MYO10: variants seen among roughly 807,000 people sequenced by gnomAD.
The protein encoded by MYO10 is myosin X.
Under a neutral mutation model 257.3 loss-of-function variants are expected in MYO10, and 133 were observed. The ratio of observed to expected loss-of-function variants is 0.52; its 90% CI spans 0.45 to 0.60. The LOEUF (loss-of-function observed/expected upper bound fraction) is 0.60. MYO10 is among the 20% of genes least tolerant of loss of function. MYO10 has a pLI of 0.00. For missense variants in MYO10, 2,399 were observed against 2,635.7 expected, an observed-to-expected ratio of 0.91 and a Z score of 1.97; for synonymous variants, 1,104 against 1,028.6, an observed-to-expected ratio of 1.07 and a Z score of -1.40.
chr5:16,672,012 A>G (rs1458699540), intron 37 of MYO10, among the ~76,000 whole-genome samples: 2 of 152,186 alleles, frequency 1.3e-5, no homozygotes, highest in Non-Finnish European at 2.9e-5. Flanking sequence ...GTAGGTCTAC[A>G]GGCCAGGTGC....
At position 16,823,444 on chromosome 5, in the gene MYO10, TGC is replaced by T. The variant is rs1196377622; in HGVS notation, c.121-5279_121-5278del. 2.3e-3 allele frequency among the ~76,000 whole-genome samples: 8 copies of T among 3,424 alleles called. 2 individuals are homozygous for T. The highest frequency in any genetic ancestry group is 0.028 in the East Asian group (2 of 72). 2.2% of individuals were successfully genotyped at this position (3,424 alleles called of 152,430 possible). On this transcript the variant is annotated intron_variant, in intron 2 of 40. Coordinates refer to ENST00000513610, the MANE Select transcript of MYO10 (RefSeq NM_012334.3). ...TGGATGACAGGGCAAGACTCCATCT[TGC>T]GCGGGGGGGGGGGGAGTGGGGATTT...
rs532468732 is a variant in MYO10, at chr5:16,748,084, T to C, written c.1929+6744A>G. ...AAGAAATATTTTGTCTTTGTTTTTT[T>C]CTTTGAGACAGGTCTCACTGTGTTG... On this transcript the variant is annotated intron_variant, in intron 19 of 40. Coordinates refer to ENST00000513610, the MANE Select transcript of MYO10 (RefSeq NM_012334.3). 4.6e-5 allele frequency among the ~76,000 whole-genome samples: 7 copies of C among 152,252 alleles called. No homozygotes were observed. In the South Asian group the frequency reaches 1.0e-3, roughly 23 times the overall value.
intron 1 of MYO10, among the ~76,000 whole-genome samples, chr5:16,900,932 G>C (rs1246421365): frequency 2.0e-5 from 3 of 152,018 alleles, no homozygotes; most frequent in Non-Finnish European, 4.4e-5. Context: ...TAGAGACGAA[G>C]TTTCACCATG....
intron 1 of MYO10, among the ~76,000 whole-genome samples, chr5:16,917,174 C>T (rs1745847067): frequency 1.3e-5 from 2 of 151,916 alleles, no homozygotes; most frequent in Admixed American, 6.6e-5. Flanking sequence ...AATATAATGC[C>T]GGTATTAAAA....
intron 2 of MYO10, among the ~76,000 whole-genome samples, chr5:16,835,880 T>C (rs974197323): frequency 1.3e-5 from 2 of 152,032 alleles, no homozygotes; most frequent in Non-Finnish European, 2.9e-5. Flanking sequence ...TCCCAGTACA[T>C]GGATCATAAT....
chr5:16,853,473 C>A (rs1325071052), intron 2 of MYO10, among the ~76,000 whole-genome samples: 2 of 152,130 alleles, frequency 1.3e-5, no homozygotes, highest in African/African-American at 4.8e-5. Context: ...ACAACATTGC[C>A]AAAATGTCAA....
chr5:16,777,254 TAGG>T (rs1369547447), intron 9 of MYO10, among the ~76,000 whole-genome samples: 2 of 151,840 alleles, frequency 1.3e-5, no homozygotes, highest in Non-Finnish European at 2.9e-5. Flanking sequence ...GGTTAGAAAA[TAGG>T]AGAGATGGAG....
chr5:16,838,378 G>C (rs1368711669), intron 2 of MYO10, among the ~76,000 whole-genome samples: 1 of 152,184 alleles, frequency 6.6e-6, no homozygotes, highest in Non-Finnish European at 1.5e-5. Context: ...TGAGTGGTCT[G>C]GATAGATCAA....
At chr5:16,923,663 T>TAC (rs60949830) in intron 1 of MYO10, among the ~76,000 whole-genome samples, 38,330 of 140,438 alleles carry the variant, frequency 0.27, 5,361 homozygotes, top group Admixed American at 0.39. Context: ...AACACGCCCA[T>TAC]ACACACACAC....
At chr5:16,853,507 T>C (rs1241585525) in intron 2 of MYO10, among the ~76,000 whole-genome samples, 1 of 152,196 alleles carries the variant, frequency 6.6e-6, no homozygotes, top group African/African-American at 2.4e-5. Context: ...GGTCACTGTC[T>C]CTCCTTTTGA....
intron 2 of MYO10, among the ~76,000 whole-genome samples, chr5:16,818,384 G>A (rs1742694559): frequency 7.2e-5 from 3 of 41,524 alleles, no homozygotes; most frequent in Admixed American, 5.4e-4. Context: ...GTGTGTGCGT[G>A]TGTGTGTGTG....
At chr5:16,796,420 G>GAAAA (rs1453074775) in intron 3 of MYO10, among the ~76,000 whole-genome samples, 1 of 96,330 alleles carries the variant, frequency 1.0e-5, no homozygotes, top group African/African-American at 3.6e-5. Context: ...AGGAAAGAAA[G>GAAAA]GAAAAAGAAA....
At chr5:16,836,239 C>T (rs942720339) in intron 2 of MYO10, among the ~76,000 whole-genome samples, 1 of 152,032 alleles carries the variant, frequency 6.6e-6, no homozygotes, top group African/African-American at 2.4e-5. Flanking sequence ...TTTTAGAATG[C>T]GATGGAATCA....
intron 19 of MYO10, among the ~76,000 whole-genome samples, chr5:16,732,881 C>T (rs2126618646): frequency 6.6e-6 from 1 of 152,266 alleles, no homozygotes; most frequent in South Asian, 2.1e-4. Context: ...TGCCTGTAAT[C>T]CTAGCACTTT....
chr5:16,701,662 C>T lies in MYO10; in HGVS notation c.2733G>A (p.Leu911=). 1 of 1,613,860 alleles carries T rather than the reference C, an allele frequency of 6.2e-7. No homozygotes were observed. Among genetic ancestry groups the T allele is most frequent in the Non-Finnish European group, 8.5e-7 (1 of 1,179,826 alleles). Residue 911 remains leucine (L), a synonymous_variant, in exon 25 of 41, where the codon CTG becomes CTA. Transcript: ENST00000513610. The surrounding 1 kb of genome is among the most constrained non-coding windows in gnomAD (Gnocchi z 8.1). ...GCAGCTTCTGCAGGGAAGCCTCGGT[C>T]AGCGACAGCTCCTGCTGCTCCTTCA... is the stretch of plus-strand genomic sequence containing the variant. ...QRMKEQQELS[L]TEASLQKLQE...
chr5:16,682,078 A>T, intron 30 of MYO10, 65 bp from the exon 31 acceptor site: 1 of 1,551,010 alleles, frequency 6.4e-7, no homozygotes. Flanking sequence ...CCTCTGTGTG[A>T]ACCGAGACTC....
At chr5:16,706,222 C>G (rs901178062) in intron 21 of MYO10, among the ~76,000 whole-genome samples, 1 of 152,024 alleles carries the variant, frequency 6.6e-6, no homozygotes, top group Non-Finnish European at 1.5e-5. Flanking sequence ...CACGTACATA[C>G]TCATATATAT....
At chr5:16,849,872 G>A (rs1361841793) in intron 2 of MYO10, among the ~76,000 whole-genome samples, 1 of 152,120 alleles carries the variant, frequency 6.6e-6, no homozygotes, top group Non-Finnish European at 1.5e-5. Context: ...AATTAAGATG[G>A]CAGGCTGCAT....
At chr5:16,878,781 T>C (rs1322573210) in intron 1 of MYO10, among the ~76,000 whole-genome samples, 1 of 152,038 alleles carries the variant, frequency 6.6e-6, no homozygotes, top group African/African-American at 2.4e-5. Context: ...AGCTAAGCTA[T>C]GAGGATGCAA....
Sources: gnomAD v4.1 joint callset for allele counts (sites outside exome capture counted in the v4.1 genomes callset) on GRCh38, gnomAD v4.1.1 for gene constraint, Gnocchi (gnomAD v3.1) non-coding constraint, MANE v1.5 for transcripts, NCBI Gene and HGNC (gene_info 2026-07-23, HGNC 2026-07-21) for gene names.